The following GPCPD1 variants were observed in gnomAD, a reference collection of about 807,000 sequenced individuals.
The protein encoded by GPCPD1 is glycerophosphocholine phosphodiesterase GPCPD1.
GPCPD1 carries 29 observed loss-of-function variants against 89.2 expected under a neutral mutation model. The ratio of observed to expected loss-of-function variants is 0.33; its 90% CI spans 0.24 to 0.44. The LOEUF (loss-of-function observed/expected upper bound fraction) is 0.44, where lower values mean the gene tolerates loss of function less well. Ranked by LOEUF, GPCPD1 falls within the 20% of genes least tolerant of loss-of-function variation. GPCPD1 has a pLI of 1.00. For synonymous variants in GPCPD1, 258 were observed against 266.3 expected (o/e 0.97, Z 0.30); for missense variants, 594 against 808.9 (o/e 0.73, Z 3.22).
chr20:5,606,010 T>TA (rs1980557320), intron 1 of GPCPD1, among the ~76,000 whole-genome samples: 2 of 152,158 alleles, frequency 1.3e-5, no homozygotes, highest in Non-Finnish European at 2.9e-5. Flanking sequence ...TTAAGGAGAT[T>TA]AAAAAAAGAA....
intron 15 of GPCPD1, among the ~76,000 whole-genome samples, chr20:5,564,615 T>C (rs1986277061): frequency 6.6e-6 from 1 of 152,070 alleles, no homozygotes; most frequent in Admixed American, 6.6e-5. Flanking sequence ...ACAGCGTAAG[T>C]CCAGAGGTTT....
intron 17 of GPCPD1, among the ~76,000 whole-genome samples, chr20:5,559,566 A>C (rs1985972254): frequency 6.7e-6 from 1 of 149,046 alleles, no homozygotes; most frequent in African/African-American, 2.5e-5. Flanking sequence ...TGACAGAGTG[A>C]GATCCTGTCT....
chr20:5,567,583 G>T (rs771124980), intron 12 of GPCPD1, 23 bp from the exon 13 acceptor site: 4 of 1,406,986 alleles, frequency 2.8e-6, no homozygotes, highest in South Asian at 1.4e-5. Context: ...AAAAAAGAAA[G>T]AAAGAAAAAG....
chr20:5,609,093 C>G (rs563616748), intron 1 of GPCPD1, among the ~76,000 whole-genome samples: 1 of 152,306 alleles, frequency 6.6e-6, no homozygotes, highest in African/African-American at 2.4e-5. Context: ...GGGACATTCA[C>G]TTTAGAGCTA....
chr20:5,551,144 C>T (rs1985383305), intron 19 of GPCPD1, among the ~76,000 whole-genome samples: 1 of 152,174 alleles, frequency 6.6e-6, no homozygotes, highest in Non-Finnish European at 1.5e-5. Context: ...GAGTGTAGAA[C>T]CAGGAAATAC....
intron 12 of GPCPD1, among the ~76,000 whole-genome samples, chr20:5,569,685 AC>A (rs1402900818): frequency 6.6e-6 from 1 of 151,502 alleles, no homozygotes; most frequent in African/African-American, 2.4e-5. Context: ...AGTATTTCCT[AC>A]CCCCCTAGTT....
intron 16 of GPCPD1, among the ~76,000 whole-genome samples, chr20:5,561,056 T>C (rs6053498): frequency 0.25 from 37,537 of 152,150 alleles, 5,087 homozygotes; most frequent in East Asian, 0.43. Flanking sequence ...TTTAAAACAA[T>C]TGCAGAAATT....
rs377250271 is a variant in GPCPD1 at position 5,547,799 on chromosome 20, C to T, written c.1881G>A (p.Leu627=). The change falls in exon 20 of 20, where the codon TTG becomes TTA. Residue 627 remains leucine (L), a synonymous_variant. Transcript: ENST00000379019. The stretch of plus-strand genomic sequence containing the variant: ...CTGGCAATTCCTGCTTCAGGCGTTC[C>T]AATTGCTCCACTTGGAATATATTTG... ...EQPNIFQVEQ[L]ERLKQELPEL... is the part of the protein sequence containing the mutation. 30 of 1,610,262 alleles carry T rather than the reference C, an allele frequency of 1.9e-5. No homozygotes were observed. The highest frequency in any genetic ancestry group is 5.0e-5 in the Admixed American group (3 of 59,886).
intron 17 of GPCPD1, among the ~76,000 whole-genome samples, chr20:5,559,225 AAAAG>A (rs549870960): frequency 1.3e-5 from 2 of 152,176 alleles, no homozygotes; most frequent in Non-Finnish European, 2.9e-5. Context: ...ATTTAAAAAA[AAAAG>A]AAAGAAAGAA....
At chr20:5,602,209 G>C (rs1372748874) in intron 2 of GPCPD1, among the ~76,000 whole-genome samples, 1 of 152,194 alleles carries the variant, frequency 6.6e-6, no homozygotes, top group Non-Finnish European at 1.5e-5. Context: ...CACGTACAGA[G>C]TCATCTATAT....
chr20:5,545,443 T>G lies in GPCPD1; in HGVS notation c.*2218A>C, dbSNP rs1340225605. 6.6e-6 allele frequency: 1 copy of G among 152,180 alleles called. No individual in the cohort carries two copies. The highest frequency in any genetic ancestry group is 1.5e-5 in the Non-Finnish European group (1 of 68,058). The allele number at this position is 152,180 out of a possible 1,614,324, so 9.4% of individuals were successfully genotyped here. A position where few individuals can be genotyped will look rare whatever the true frequency, so the allele number is the denominator to read the frequency against. On this transcript the variant is annotated 3_prime_UTR_variant, in exon 20 of 20. Coordinates refer to ENST00000379019, the MANE Select transcript of GPCPD1 (RefSeq NM_019593.5). The stretch of plus-strand genomic sequence containing the variant: ...ACGAGCCGTGGAGCACAAAGACGGA[T>G]TCATCCTTCCTGAAGTTTCCACAAG...
In GPCPD1 at chr20:5,586,229, T is replaced by G; in HGVS notation, c.272A>C (p.Glu91Ala). 1 of 1,599,682 alleles carries G rather than the reference T, an allele frequency of 6.3e-7. No individual in the cohort carries two copies. ...TATTGATCGTGGTTGTAGATGAGTC[T>G]CCCACTTGTGAACTATCACTTGACA... ...GPCQVIVHKW[E>A]THLQPRSITP... Residue 91 changes from glutamate (E) to alanine (A), a missense_variant, in exon 5 of 20, where the codon GAG becomes GCG. By Grantham distance (107) the Glu-to-Ala change is moderately radical. Coordinates refer to ENST00000379019, the MANE Select transcript of GPCPD1 (RefSeq NM_019593.5).
intron 2 of GPCPD1, among the ~76,000 whole-genome samples, chr20:5,603,488 A>G (rs1980321567): frequency 6.6e-6 from 1 of 152,120 alleles, no homozygotes; most frequent in Non-Finnish European, 1.5e-5. Flanking sequence ...ACAGCATTTG[A>G]GAACGTCCTA....
chr20:5,584,262 G>A lies in GPCPD1; in HGVS notation c.349+19C>T. ...CTCAATCATTTCAGTAAACATTTAA[G>A]TAAGTCAGTCTCACTTACTGTGGAT... On this transcript the variant is annotated intron_variant, in intron 6 of 19. Transcript: ENST00000379019. The A allele has an allele frequency of 8.5e-7, 1 of 1,179,404 alleles. No homozygotes were observed. The highest frequency in any genetic ancestry group is 1.3e-6 in the Non-Finnish European group (1 of 791,764). The allele number at this position is 1,179,404 out of a possible 1,614,324, so 73.1% of individuals were successfully genotyped here.
Position 5,567,579 on chromosome 20 carries a change from GAAAGAAAGAA to G in GPCPD1, c.1150-29_1150-20del, listed in dbSNP as rs1368161372. On this transcript the variant is annotated intron_variant, in intron 12 of 19. Transcript: ENST00000379019. Reference sequence around the variant, plus strand: ...CAAATTTCTAAAAAAAAAAAAAAAAGAAAGAAAGAAAAAGAAAGAATAAAGAAAATTAAGA... The same window carrying G: ...CAAATTTCTAAAAAAAAAAAAAAAAGAAAGAAAGAATAAAGAAAATTAAGA... The G allele has an allele frequency of 1.7e-5, 19 of 1,122,882 alleles. No individual in the cohort carries two copies. The highest frequency in any genetic ancestry group is 2.3e-5 in the Non-Finnish European group (19 of 832,958). 69.6% of individuals were successfully genotyped at this position (1,122,882 alleles called of 1,614,324 possible).
At chr20:5,575,351 A>C in intron 10 of GPCPD1, 62 bp downstream of exon 10, 1 of 1,135,422 alleles carries the variant, frequency 8.8e-7, no homozygotes. Context: ...TGAGAAAACC[A>C]GTGTAACTCT....
chr20:5,591,260 A>G lies in GPCPD1; in HGVS notation c.231+2067T>C, dbSNP rs948987519. Reference sequence around the variant, plus strand: ...ACACGTCATTGTGAAAAACTGAGAAAAACGATTTCAGGACTCTTCTAAACT... The same window carrying G: ...ACACGTCATTGTGAAAAACTGAGAAGAACGATTTCAGGACTCTTCTAAACT... On this transcript the variant is annotated intron_variant, in intron 4 of 19. Coordinates refer to ENST00000379019, the MANE Select transcript of GPCPD1 (RefSeq NM_019593.5). Among the ~76,000 whole-genome samples, 3 of 152,244 alleles carry G rather than the reference A, an allele frequency of 2.0e-5. 1 individual carries two copies. The highest frequency in any genetic ancestry group is 2.0e-4 in the Admixed American group (3 of 15,284).
intron 15 of GPCPD1, among the ~76,000 whole-genome samples, chr20:5,563,928 A>G (rs774737608): frequency 1.4e-4 from 22 of 152,208 alleles, no homozygotes; most frequent in South Asian, 4.1e-4. Flanking sequence ...AATACAGTAG[A>G]TAAAACCCAT....
At chr20:5,556,731 T>A (rs112043962) in intron 19 of GPCPD1, among the ~76,000 whole-genome samples, 137 of 152,246 alleles carry the variant, frequency 9.0e-4, no homozygotes, top group African/African-American at 2.4e-3. Context: ...GAAAAAAAAA[T>A]ATTTGTTCAA....
Sources: gnomAD v4.1 joint callset for allele counts (sites outside exome capture counted in the v4.1 genomes callset) on GRCh38, gnomAD v4.1.1 for gene constraint, MANE v1.5 for transcripts, NCBI Gene and HGNC (gene_info 2026-07-23, HGNC 2026-07-21) for gene names.